The following TAFA4 variants were observed in gnomAD, a reference collection of about 807,000 sequenced individuals.
TAFA4 encodes TAFA chemokine like family member 4, also known as chemokine-like protein TAFA-4.
A neutral mutation model predicts 21.1 loss-of-function variants in TAFA4; 20 were observed. That is an observed-to-expected ratio of 0.95 (90% CI 0.67 to 1.38). The LOEUF is 1.38. Ranked by LOEUF, TAFA4 falls within the 40% of genes most tolerant of loss-of-function variation. The probability of loss-of-function intolerance (pLI) is 0.00; values close to 1 mark genes in which losing one functional copy is unlikely to be tolerated. For synonymous variants in TAFA4, 71 were observed against 67.4 expected (o/e 1.05, Z -0.26); for missense variants, 211 against 180.9 (o/e 1.17, Z -0.95).
chr3:68,858,541 G>A (rs941593677), intron 3 of TAFA4, among the ~76,000 whole-genome samples: 11 of 151,260 alleles, frequency 7.3e-5, no homozygotes, highest in African/African-American at 2.7e-4. Flanking sequence ...AAAAATATTT[G>A]ACAGGTTAGC....
At chr3:68,775,147 A>T (rs73835349) in intron 3 of TAFA4, among the ~76,000 whole-genome samples, 1 of 152,176 alleles carries the variant, frequency 6.6e-6, no homozygotes, top group Non-Finnish European at 1.5e-5. Flanking sequence ...GATTTTAGCT[A>T]TTTGTTAAAG....
chr3:68,748,812 C>A (rs999794322), intron 4 of TAFA4, among the ~76,000 whole-genome samples: 1 of 151,072 alleles, frequency 6.6e-6, no homozygotes, highest in Non-Finnish European at 1.5e-5. Context: ...TGAAAAGTAA[C>A]TACTTTCCAT....
intron 3 of TAFA4, among the ~76,000 whole-genome samples, chr3:68,756,932 A>C (rs1702670492): frequency 6.6e-6 from 1 of 152,278 alleles, no homozygotes; most frequent in South Asian, 2.1e-4. Context: ...TGGAGGGGAG[A>C]TCCTGTCTTT....
intron 3 of TAFA4, among the ~76,000 whole-genome samples, chr3:68,818,554 T>G (rs763341743): frequency 4.6e-5 from 7 of 152,192 alleles, no homozygotes; most frequent in Admixed American, 1.3e-4. Context: ...AGCTTTTGAT[T>G]CAAAAGGAGA....
chr3:68,780,256 A>G (rs1001809598), intron 3 of TAFA4, among the ~76,000 whole-genome samples: 1 of 152,200 alleles, frequency 6.6e-6, no homozygotes, highest in Non-Finnish European at 1.5e-5. Context: ...GTCTCAGATG[A>G]GACAATGGAC....
chr3:68,767,040 C>G (rs559069538), intron 3 of TAFA4, among the ~76,000 whole-genome samples: 1 of 151,964 alleles, frequency 6.6e-6, no homozygotes, highest in Non-Finnish European at 1.5e-5. Context: ...TGCCTAAAAA[C>G]GTTTATTTTT....
chr3:68,864,753 T>TA (rs1165757728), intron 3 of TAFA4, among the ~76,000 whole-genome samples: 1 of 152,002 alleles, frequency 6.6e-6, no homozygotes. Flanking sequence ...TACTCAGCAA[T>TA]AAAAAGAAAT....
intron 3 of TAFA4, among the ~76,000 whole-genome samples, chr3:68,874,666 G>T (rs1479781818): frequency 1.3e-5 from 2 of 152,068 alleles, no homozygotes; most frequent in East Asian, 1.9e-4. Context: ...TGCCTGTTCT[G>T]CCCTAAAGAC....
intron 3 of TAFA4, among the ~76,000 whole-genome samples, chr3:68,832,132 T>A (rs534650096): frequency 6.6e-6 from 1 of 152,330 alleles, no homozygotes; most frequent in South Asian, 2.1e-4. Context: ...AACATGCTCC[T>A]TTAGCTTGGA....
chr3:68,855,584 C>T (rs1705051553), intron 3 of TAFA4, among the ~76,000 whole-genome samples: 1 of 152,036 alleles, frequency 6.6e-6, no homozygotes, highest in South Asian at 2.1e-4. Context: ...GCGTTTGATC[C>T]CTAAGACAAA....
Position 68,899,381 on chromosome 3 carries a change from G to C in TAFA4, c.-122-14071C>G, listed in dbSNP as rs559984763. ...GTATAACCAAAAGTGGTTTTCCACA[G>C]ACAATAATATACCCTGGATTTTTTT... On this transcript the variant is annotated intron_variant, in intron 1 of 5. Transcript: ENST00000295569. Among the ~76,000 whole-genome samples, 3 of 151,562 alleles carry C rather than the reference G, an allele frequency of 2.0e-5. No homozygotes were observed. The South Asian group carries it at 6.2e-4, about 32-fold the overall frequency.
At chr3:68,882,324 T>TAA (rs11395664) in intron 2 of TAFA4, among the ~76,000 whole-genome samples, 13 of 147,088 alleles carry the variant, frequency 8.8e-5, no homozygotes, top group Admixed American at 2.7e-4. Context: ...ATCTGTGCTT[T>TAA]AAAAAAAAAA....
chr3:68,835,463 T>C (rs773511594), intron 3 of TAFA4, among the ~76,000 whole-genome samples: 3 of 152,216 alleles, frequency 2.0e-5, no homozygotes, highest in African/African-American at 7.2e-5. Flanking sequence ...TAAAAACAAA[T>C]GCATTTCTTC....
In TAFA4 at chr3:68,844,678, C is replaced by G. The variant is rs139056367; in HGVS notation, c.130+36052G>C. Among the ~76,000 whole-genome samples the G allele has an allele frequency of 4.5e-3, 683 of 152,298 alleles. 11 individuals are homozygous for G. Among genetic ancestry groups the G allele is most frequent in the African/African-American group, 0.016 (661 of 41,568 alleles). On this transcript the variant is annotated intron_variant, in intron 3 of 5. Coordinates refer to ENST00000295569, the MANE Select transcript of TAFA4 (RefSeq NM_182522.5). ...TTAGTGGTATAAATTTCCCTCTGAA[C>G]ATCGCTTTAGCTGTGTCCCAGAGAT...
intron 5 of TAFA4, among the ~76,000 whole-genome samples, chr3:68,734,422 G>T (rs574125234): frequency 6.1e-4 from 92 of 151,978 alleles, no homozygotes; most frequent in African/African-American, 2.2e-3. Context: ...GCTGAGGCAG[G>T]GAGGGTAGAG....
At position 68,885,264 on chromosome 3, in the gene TAFA4, A is replaced by G; in HGVS notation, c.-76T>C. The stretch of plus-strand genomic sequence containing the variant: ...ACTCCAAATTCCCATCTGTTGCTAG[A>G]ACCAATCATTTCTGCCGTTCCAAAA... On this transcript the variant is annotated 5_prime_UTR_variant, in exon 2 of 6. Transcript: ENST00000295569. The G allele has an allele frequency of 6.8e-7, 1 of 1,463,030 alleles. No homozygotes were observed. The highest frequency in any genetic ancestry group is 1.9e-5 in the Admixed American group (1 of 52,820). 90.6% of individuals were successfully genotyped at this position (1,463,030 alleles called of 1,614,324 possible).
At chr3:68,843,891 T>C (rs1156583344) in intron 3 of TAFA4, among the ~76,000 whole-genome samples, 1 of 152,200 alleles carries the variant, frequency 6.6e-6, no homozygotes, top group Non-Finnish European at 1.5e-5. Context: ...TGAATTAGCT[T>C]TTTGATGTGC....
chr3:68,794,033 G>A (rs1259170410), intron 3 of TAFA4, among the ~76,000 whole-genome samples: 1 of 152,142 alleles, frequency 6.6e-6, no homozygotes, highest in East Asian at 1.9e-4. Flanking sequence ...GGAGCTTTGA[G>A]GATCCTGACC....
At chr3:68,791,077 A>T (rs1183153002) in intron 3 of TAFA4, among the ~76,000 whole-genome samples, 5 of 152,194 alleles carry the variant, frequency 3.3e-5, no homozygotes, top group Non-Finnish European at 7.3e-5. Context: ...CACCTGGTCC[A>T]CAAAAGGGAA....
Sources: allele counts gnomAD v4.1 joint callset (sites outside exome capture counted in the v4.1 genomes callset), GRCh38; gene constraint gnomAD v4.1.1; transcripts MANE v1.5; gene names NCBI Gene and HGNC (gene_info 2026-07-23, HGNC 2026-07-21).